The following CPPED1 variants were observed in gnomAD, a reference collection of about 807,000 sequenced individuals.
CPPED1 encodes calcineurin like phosphoesterase domain containing 1, also known as serine/threonine-protein phosphatase CPPED1.
Under a neutral mutation model 28.0 loss-of-function variants are expected in CPPED1, and 28 were observed. That is an observed-to-expected ratio of 1.00 (90% CI 0.74 to 1.37). CPPED1 has a LOEUF of 1.37. Ranked by LOEUF, CPPED1 falls within the 40% of genes most tolerant of loss-of-function variation. CPPED1 has a pLI of 0.00. For synonymous variants in CPPED1, 198 were observed against 180.2 expected (o/e 1.10, Z -0.79); for missense variants, 504 against 416.5 (o/e 1.21, Z -1.83).
At chr16:12,782,482 G>A (rs1008327210) in intron 1 of CPPED1, among the ~76,000 whole-genome samples, 2 of 150,942 alleles carry the variant, frequency 1.3e-5, no homozygotes, top group African/African-American at 2.4e-5. Context: ...AGAGGCAAGA[G>A]AACTTGCTAA....
intron 3 of CPPED1, among the ~76,000 whole-genome samples, chr16:12,696,962 C>G (rs769068575): frequency 5.9e-5 from 9 of 152,168 alleles, no homozygotes; most frequent in Non-Finnish European, 1.0e-4. Flanking sequence ...CCTGTACAAA[C>G]CTCCAAGTTT....
At chr16:12,738,594 T>C (rs1845477711) in intron 2 of CPPED1, among the ~76,000 whole-genome samples, 1 of 152,132 alleles carries the variant, frequency 6.6e-6, no homozygotes, top group Non-Finnish European at 1.5e-5. Flanking sequence ...CTGAGATTTT[T>C]CAGGAATAAG....
intron 3 of CPPED1, among the ~76,000 whole-genome samples, chr16:12,702,557 A>C (rs774438999): frequency 5.3e-5 from 8 of 151,128 alleles, no homozygotes; most frequent in East Asian, 1.9e-4. Flanking sequence ...ATCAATCAAT[A>C]GAAAAAATTA....
intron 3 of CPPED1, among the ~76,000 whole-genome samples, chr16:12,677,305 A>G (rs766617630): frequency 2.6e-5 from 4 of 152,220 alleles, no homozygotes; most frequent in African/African-American, 4.8e-5. Context: ...AGAGGGCTGC[A>G]TGGGGCTATA....
chr16:12,691,000 T>C (rs2079959820), intron 3 of CPPED1, among the ~76,000 whole-genome samples: 1 of 152,196 alleles, frequency 6.6e-6, no homozygotes, highest in Admixed American at 6.5e-5. Flanking sequence ...GGCTCCTCTC[T>C]ACTTGCCATC....
rs1204652775 is a variant in CPPED1 at position 12,661,556 on chromosome 16, C to T, written c.*3330G>A. ...GAGATCACTTTAAAAAACCTTCCCC[C>T]GTAACATGTCCTTGTGTTTTTGTTT... On this transcript the variant is annotated 3_prime_UTR_variant, in exon 4 of 4. Coordinates refer to ENST00000381774, the MANE Select transcript of CPPED1 (RefSeq NM_018340.3). 2.6e-5 allele frequency: 4 copies of T among 152,190 alleles called. No homozygotes were observed. Among genetic ancestry groups the T allele is most frequent in the Admixed American group, 6.5e-5 (1 of 15,278 alleles). 9.4% of individuals were successfully genotyped at this position (152,190 alleles called of 1,614,324 possible).
intron 3 of CPPED1, among the ~76,000 whole-genome samples, chr16:12,692,208 G>A (rs897203506): frequency 6.6e-6 from 1 of 152,136 alleles, no homozygotes; most frequent in Admixed American, 6.6e-5. Context: ...CGAGGAAGGT[G>A]GTTTTTAATA....
rs2080674043 is a variant in CPPED1, at chr16:12,803,601, C to G, written c.70+106G>C. On this transcript the variant is annotated intron_variant, in intron 1 of 3. Coordinates refer to ENST00000381774, the MANE Select transcript of CPPED1 (RefSeq NM_018340.3). The stretch of plus-strand genomic sequence containing the variant: ...GGCGGCTCCCAGGCCCCGGTGCAGC[C>G]CCGGATGGTGTCCGACTGGCGGAGC... The G allele has an allele frequency of 8.8e-6, 9 of 1,025,354 alleles. No individual in the cohort carries two copies. The South Asian group carries it at 1.5e-4, about 18-fold the overall frequency. 63.5% of individuals were successfully genotyped at this position (1,025,354 alleles called of 1,614,324 possible).
intron 3 of CPPED1, among the ~76,000 whole-genome samples, chr16:12,687,923 TAAC>T (rs2079941591): frequency 6.7e-6 from 1 of 149,576 alleles, no homozygotes; most frequent in Non-Finnish European, 1.5e-5. Context: ...ATTAAAGGAA[TAAC>T]AACAACAAAA....
intron 3 of CPPED1, among the ~76,000 whole-genome samples, chr16:12,669,030 G>C (rs1205021643): frequency 6.6e-6 from 1 of 152,218 alleles, no homozygotes; most frequent in Non-Finnish European, 1.5e-5. Context: ...TTGTAGGTGA[G>C]TGTTCCTAGC....
intron 2 of CPPED1, among the ~76,000 whole-genome samples, chr16:12,774,724 C>CATGAATGGATGAGTCCATTCATGG (rs2080487851): frequency 3.9e-5 from 6 of 152,266 alleles, no homozygotes; most frequent in African/African-American, 1.4e-4. Flanking sequence ...GCCATGCCCT[C>CATGAATGGATGAGTCCATTCATGG]ATGAATGGAT....
rs71142517 is a variant in CPPED1 at position 12,734,058 on chromosome 16, G to GTTTTTTTTTTTTTT, written c.290-29023_290-29010dup. On this transcript the variant is annotated intron_variant, in intron 2 of 3. Coordinates refer to ENST00000381774, the MANE Select transcript of CPPED1 (RefSeq NM_018340.3). ...CTTTGTCTCTGTTTTCAAATTACAC[G>GTTTTTTTTTTTTTT]TTTTTTTTTTTTTTTTTTTTTTTTT... Among the ~76,000 whole-genome samples, 8 of 64,424 alleles carry GTTTTTTTTTTTTTT rather than the reference G, an allele frequency of 1.2e-4. 3 individuals are homozygous for GTTTTTTTTTTTTTT. The highest frequency in any genetic ancestry group is 6.0e-4 in the African/African-American group (7 of 11,722). The allele number at this position is 64,424 out of a possible 152,430, so 42.3% of individuals were successfully genotyped here. A position where few individuals can be genotyped will look rare whatever the true frequency, so the allele number is the denominator to read the frequency against.
intron 3 of CPPED1, among the ~76,000 whole-genome samples, chr16:12,677,863 G>T (rs1302214626): frequency 1.3e-5 from 2 of 152,206 alleles, no homozygotes; most frequent in Non-Finnish European, 2.9e-5. Context: ...TTTCCAGAAA[G>T]GTCTGGACAG....
At chr16:12,698,813 G>A (rs749657076) in intron 3 of CPPED1, among the ~76,000 whole-genome samples, 2 of 152,156 alleles carry the variant, frequency 1.3e-5, no homozygotes. Flanking sequence ...ATAAATACTA[G>A]AAATGAAACT....
At chr16:12,723,948 AC>A (rs1275302839) in intron 2 of CPPED1, among the ~76,000 whole-genome samples, 1 of 151,882 alleles carries the variant, frequency 6.6e-6, no homozygotes, top group Non-Finnish European at 1.5e-5. Flanking sequence ...CCTTCCTGCC[AC>A]CCTCATACCC....
chr16:12,695,132 G>A (rs866590660), intron 3 of CPPED1, among the ~76,000 whole-genome samples: 4 of 152,130 alleles, frequency 2.6e-5, no homozygotes, highest in Middle Eastern at 3.4e-3. Context: ...ACTGCCCTGT[G>A]GACAGGTTTG....
intron 3 of CPPED1, among the ~76,000 whole-genome samples, chr16:12,683,073 T>C (rs13333204): frequency 0.026 from 3,922 of 152,276 alleles, 67 homozygotes; most frequent in African/African-American, 0.05. Context: ...CAGAATTTGT[T>C]CAAGATGAAA....
intron 3 of CPPED1, among the ~76,000 whole-genome samples, chr16:12,684,960 G>A (rs76884865): frequency 0.013 from 1,985 of 152,232 alleles, 19 homozygotes; most frequent in Non-Finnish European, 0.022. Flanking sequence ...CAAAGGGAAG[G>A]GAGAGTTCCC....
At chr16:12,727,798 C>A (rs973393875) in intron 2 of CPPED1, among the ~76,000 whole-genome samples, 9 of 152,132 alleles carry the variant, frequency 5.9e-5, no homozygotes, top group African/African-American at 1.4e-4. Flanking sequence ...CGTAAATTAT[C>A]CCCCCTTGCA....
Sources: allele counts gnomAD v4.1 joint callset (sites outside exome capture counted in the v4.1 genomes callset), GRCh38; gene constraint gnomAD v4.1.1; transcripts MANE v1.5; gene names NCBI Gene and HGNC (gene_info 2026-07-23, HGNC 2026-07-21).